Variants in HYDIN observed in about 807,000 individuals in gnomAD.
HYDIN encodes the protein HYDIN axonemal central pair apparatus protein.
Under a neutral mutation model 403.9 loss-of-function variants are expected in HYDIN, and 132 were observed. The ratio of observed to expected loss-of-function variants is 0.33; its 90% CI spans 0.28 to 0.38. The LOEUF (loss-of-function observed/expected upper bound fraction) is 0.38, where lower values mean the gene tolerates loss of function less well. Ranked by LOEUF, HYDIN falls within the 10% of genes least tolerant of loss-of-function variation. The pLI is 1.00. For synonymous variants in HYDIN, 1,202 were observed against 1,891.7 expected (o/e 0.64, Z 9.46); for missense variants, 2,827 against 5,009.5 (o/e 0.56, Z 13.15).
chr16:71,071,122 A>G (rs1399800794), intron 13 of HYDIN, among the ~76,000 whole-genome samples: 2 of 142,926 alleles, frequency 1.4e-5, no homozygotes, highest in Non-Finnish European at 3.0e-5. Context: ...ACCATTTATG[A>G]GTTAGACGAT....
intron 58 of HYDIN, among the ~76,000 whole-genome samples, chr16:70,884,975 C>T (rs1395344266): frequency 5.9e-5 from 9 of 152,370 alleles, no homozygotes; most frequent in African/African-American, 2.2e-4. Flanking sequence ...GCTTCAGCTG[C>T]AGTGTGAAGT....
chr16:71,141,331 G>C (rs1297365043), intron 7 of HYDIN, among the ~76,000 whole-genome samples: 1 of 150,324 alleles, frequency 6.7e-6, no homozygotes, highest in Non-Finnish European at 1.5e-5. Flanking sequence ...AATGTCAAGT[G>C]AGTCAAATAT....
intron 4 of HYDIN, 28 bp from the exon 5 acceptor site, chr16:71,175,769 T>C (rs769328369): frequency 1.2e-6 from 2 of 1,611,506 alleles, no homozygotes; most frequent in Admixed American, 3.3e-5. Flanking sequence ...ATGATGAACA[T>C]CGTGCATGTG....
intron 18 of HYDIN, among the ~76,000 whole-genome samples, chr16:71,051,651 AAAAAAAAAC>A (rs1167167665): frequency 3.2e-4 from 49 of 151,636 alleles, no homozygotes; most frequent in African/African-American, 1.0e-3. Context: ...GTCTCAAAAA[AAAAAAAAAC>A]AAAAAAAACA....
intron 45 of HYDIN, among the ~76,000 whole-genome samples, chr16:70,929,923 TG>T (rs1343042604): frequency 6.6e-6 from 1 of 152,116 alleles, no homozygotes; most frequent in Non-Finnish European, 1.5e-5. Flanking sequence ...GAACTCTGCA[TG>T]GGGGTTTATG....
At chr16:71,021,269 T>C (rs2080481623) in intron 21 of HYDIN, among the ~76,000 whole-genome samples, 1 of 151,588 alleles carries the variant, frequency 6.6e-6, no homozygotes, top group Non-Finnish European at 1.5e-5. Flanking sequence ...CAGGCTGGAA[T>C]GCAGTGGTGT....
chr16:71,107,737 T>C (rs1201972750), intron 10 of HYDIN, among the ~76,000 whole-genome samples: 2 of 152,036 alleles, frequency 1.3e-5, no homozygotes, highest in Non-Finnish European at 2.9e-5. Context: ...TGTAAATTAG[T>C]TCAACCATTA....
chr16:70,950,372 T>C (rs1224424129), intron 41 of HYDIN, among the ~76,000 whole-genome samples: 2 of 152,084 alleles, frequency 1.3e-5, no homozygotes, highest in Non-Finnish European at 2.9e-5. Flanking sequence ...TGCTTCAGCC[T>C]CTTGAGAAGC....
rs555977607 is a variant in HYDIN at position 70,900,331 on chromosome 16, G to T, written c.9048+673C>A. Among the ~76,000 whole-genome samples, 6 of 151,674 alleles carry T rather than the reference G, an allele frequency of 4.0e-5. No individual in the cohort carries two copies. In the South Asian group the frequency reaches 1.3e-3, roughly 32 times the overall value. ...TCTCTACTAAAAATACAAAAAGTTA[G>T]CTGGGTGTAGTGGCGCGTGCCTGTA... On this transcript the variant is annotated intron_variant, in intron 53 of 85. Coordinates refer to ENST00000393567, the MANE Select transcript of HYDIN (RefSeq NM_001270974.2).
chr16:71,132,626 T>C (rs1286002636), intron 8 of HYDIN: 1 of 121,234 alleles, frequency 8.2e-6, no homozygotes, highest in Non-Finnish European at 1.7e-5. Flanking sequence ...ATGAAGATGA[T>C]AGTGCTCCAT....
At chr16:71,229,559 G>A (rs2041189362) in intron 1 of HYDIN, among the ~76,000 whole-genome samples, 1 of 152,106 alleles carries the variant, frequency 6.6e-6, no homozygotes, top group African/African-American at 2.4e-5. Context: ...ATAGTACGCA[G>A]CAATGAAAAG....
intron 57 of HYDIN, among the ~76,000 whole-genome samples, chr16:70,890,664 C>T (rs1337575381): frequency 2.7e-5 from 4 of 150,214 alleles, no homozygotes; most frequent in African/African-American, 7.3e-5. Flanking sequence ...TTAATTTGCC[C>T]GAAAAAGAGT....
chr16:71,062,084 T>C (rs7189449), intron 17 of HYDIN, 85 bp downstream of exon 17: 4 of 1,143,596 alleles, frequency 3.5e-6, no homozygotes, highest in South Asian at 2.9e-5. Flanking sequence ...TATGTGAATA[T>C]GGTGTGGGCC....
intron 23 of HYDIN, among the ~76,000 whole-genome samples, chr16:70,993,358 A>T (rs563798389): frequency 1.3e-5 from 2 of 151,958 alleles, no homozygotes; most frequent in Admixed American, 1.3e-4. Context: ...CATCCTAAAA[A>T]GTTGCTTTGT....
intron 10 of HYDIN, among the ~76,000 whole-genome samples, chr16:71,098,494 G>A (rs922116189): frequency 6.6e-6 from 1 of 151,480 alleles, no homozygotes; most frequent in Non-Finnish European, 1.5e-5. Context: ...GAGCCACCGC[G>A]CCCGGCCAAT....
intron 84 of HYDIN, among the ~76,000 whole-genome samples, chr16:70,812,316 C>T (rs1320156125): frequency 6.8e-6 from 1 of 147,860 alleles, no homozygotes; most frequent in Non-Finnish European, 1.5e-5. Flanking sequence ...ATGGTGAAAC[C>T]CTGTCTCTAC....
intron 5 of HYDIN, among the ~76,000 whole-genome samples, chr16:71,165,452 G>A (rs1175011683): frequency 1.3e-5 from 2 of 150,126 alleles, no homozygotes; most frequent in Non-Finnish European, 3.0e-5. Context: ...CTTACCTTCT[G>A]TCCAGCTTTA....
intron 62 of HYDIN, among the ~76,000 whole-genome samples, chr16:70,875,354 T>C (rs1389380432): frequency 3.3e-5 from 5 of 152,144 alleles, no homozygotes; most frequent in Non-Finnish European, 5.9e-5. Context: ...TTTAGTTGCC[T>C]GATAGTGTCA....
chr16:71,133,386 C>T (rs1325230205), intron 8 of HYDIN: 9 of 376,254 alleles, frequency 2.4e-5, no homozygotes, highest in South Asian at 8.2e-5. Context: ...GGCAGTACCA[C>T]GTAAATCTTC....
Sources: allele counts gnomAD v4.1 joint callset (sites outside exome capture counted in the v4.1 genomes callset), GRCh38; gene constraint gnomAD v4.1.1; transcripts MANE v1.5; gene names NCBI Gene and HGNC (gene_info 2026-07-23, HGNC 2026-07-21).